Variants in NEBL observed in about 807,000 individuals in gnomAD.
The protein encoded by NEBL is nebulette, also known as LIM and SH3 protein 2.
Under a neutral mutation model 140.2 loss-of-function variants are expected in NEBL, and 122 were observed. The observed-to-expected ratio is 0.87, with a 90% CI of 0.75 to 1.01. The LOEUF is 1.01. Ranked by LOEUF, NEBL falls within the 50% of genes least tolerant of loss-of-function variation. The probability of loss-of-function intolerance (pLI) is 0.00; values close to 1 mark genes in which losing one functional copy is unlikely to be tolerated. For synonymous variants in NEBL, 436 were observed against 398.9 expected (o/e 1.09, Z -1.11); for missense variants, 1,365 against 1,231.3 (o/e 1.11, Z -1.62).
intron 2 of NEBL, among the ~76,000 whole-genome samples, chr10:21,111,147 T>A (rs1837992474): frequency 6.6e-6 from 1 of 152,110 alleles, no homozygotes; most frequent in African/African-American, 2.4e-5. Flanking sequence ...AGAATCAATA[T>A]CATGAAAATG....
chr10:20,834,692 G>A (rs1425444907), intron 14 of NEBL, among the ~76,000 whole-genome samples: 1 of 152,132 alleles, frequency 6.6e-6, no homozygotes, highest in Non-Finnish European at 1.5e-5. Flanking sequence ...TAAGTGAACA[G>A]GACCCCTTCA....
In NEBL at chr10:20,788,888, G is replaced by A. The variant is rs375814138; in HGVS notation, c.2762-1580C>T. ...GGCTTTTCTATATTAGACTCTGGAA[G>A]CCTTGTCCATTGATTCATTCACTGT... On this transcript the variant is annotated intron_variant, in intron 26 of 27. Coordinates refer to ENST00000377122, the MANE Select transcript of NEBL (RefSeq NM_006393.3). Among the ~76,000 whole-genome samples, 61 of 152,274 alleles carry A rather than the reference G, an allele frequency of 4.0e-4. No homozygotes were observed. The East Asian group carries it at 9.1e-3, about 23-fold the overall frequency.
intron 2 of NEBL, among the ~76,000 whole-genome samples, chr10:21,032,916 C>T (rs992727794): frequency 2.6e-5 from 4 of 152,156 alleles, no homozygotes; most frequent in Non-Finnish European, 5.9e-5. Context: ...AGGGATTATA[C>T]GGTAAACCTG....
intron 3 of NEBL, among the ~76,000 whole-genome samples, chr10:21,182,070 A>G (rs1026398935): frequency 6.6e-6 from 1 of 152,190 alleles, no homozygotes; most frequent in African/African-American, 2.4e-5. Context: ...CAAGAACAAA[A>G]ATGGCGGAGG....
At chr10:21,021,490 C>T (rs1425785345) in intron 2 of NEBL, among the ~76,000 whole-genome samples, 1 of 152,196 alleles carries the variant, frequency 6.6e-6, no homozygotes, top group African/African-American at 2.4e-5. Flanking sequence ...ACTTCAGTCC[C>T]CTGAGTTCCC....
At chr10:21,125,971 G>A (rs1344151805) in intron 2 of NEBL, 2 of 1,614,204 alleles carry the variant, frequency 1.2e-6, no homozygotes, top group Admixed American at 1.7e-5. Flanking sequence ...ATCTGGTTCA[G>A]GAGCTGCCTG....
At position 20,785,686 on chromosome 10, in the gene NEBL, CT is replaced by C. The variant is rs768762806; in HGVS notation, c.*60del. 6.9e-4 allele frequency: 1,080 copies of C among 1,556,666 alleles called. No individual in the cohort carries two copies. Among genetic ancestry groups the C allele is most frequent in the Non-Finnish European group, 9.1e-4 (1,038 of 1,142,004 alleles). ...AAGTTGTCTTAAAAGTATCTTCTAT[CT>C]TTTAAAAAGATTAGGTTTGGGATAC... On this transcript the variant is annotated 3_prime_UTR_variant, in exon 28 of 28. Coordinates refer to ENST00000377122, the MANE Select transcript of NEBL (RefSeq NM_006393.3).
intron 1 of NEBL, among the ~76,000 whole-genome samples, chr10:21,292,707 A>G (rs1843161467): frequency 6.6e-6 from 1 of 152,226 alleles, no homozygotes; most frequent in African/African-American, 2.4e-5. Context: ...AAAGCATAAG[A>G]AAAACGATGA....
chr10:20,944,765 A>T (rs1835074547), intron 4 of NEBL, among the ~76,000 whole-genome samples: 1 of 152,206 alleles, frequency 6.6e-6, no homozygotes, highest in Non-Finnish European at 1.5e-5. Flanking sequence ...AAAAGTGCCT[A>T]AGTTAGTTGT....
At chr10:21,028,256 A>AG (rs1491551075) in intron 2 of NEBL, among the ~76,000 whole-genome samples, 1 of 131,834 alleles carries the variant, frequency 7.6e-6, no homozygotes, top group East Asian at 2.3e-4. Flanking sequence ...AAAAAAAAAA[A>AG]GAAGAAGAAG....
rs1175880218 is a variant in NEBL, at chr10:21,155,410, C to A, written c.164+16973G>T. ...CTATTTTTTTGGTACCCATTAACAT[C>A]CCCACCTCCTCACCACCCTCCCACT... On this transcript the variant is annotated intron_variant, in intron 2 of 6. Coordinates refer to the NEBL transcript ENST00000417816. 2.0e-5 allele frequency among the ~76,000 whole-genome samples: 3 copies of A among 152,078 alleles called. No homozygotes were observed. In the East Asian group the frequency reaches 5.8e-4, roughly 29 times the overall value.
intron 8 of NEBL, 90 bp downstream of exon 8, chr10:20,859,623 G>T (rs1843451176): frequency 9.0e-6 from 7 of 781,248 alleles, no homozygotes; most frequent in Non-Finnish European, 1.5e-5. Context: ...TTACTTGGAA[G>T]CTAAGTATCA....
At chr10:20,916,652 C>T (rs1397979253) in intron 4 of NEBL, among the ~76,000 whole-genome samples, 2 of 152,160 alleles carry the variant, frequency 1.3e-5, no homozygotes, top group African/African-American at 2.4e-5. Flanking sequence ...TCAAATGATC[C>T]ACCCACCTCA....
chr10:21,096,976 C>G (rs1837218463), intron 2 of NEBL, among the ~76,000 whole-genome samples: 1 of 151,826 alleles, frequency 6.6e-6, no homozygotes, highest in Admixed American at 6.6e-5. Flanking sequence ...CAAAAATCTC[C>G]AAGGCATCCT....
chr10:21,088,705 C>T (rs1836766354), intron 2 of NEBL, among the ~76,000 whole-genome samples: 1 of 152,216 alleles, frequency 6.6e-6, no homozygotes, highest in Admixed American at 6.5e-5. Context: ...AGAATAGTGA[C>T]AGCCATCCTT....
At chr10:21,233,804 A>G (rs1212729176) in intron 3 of NEBL, among the ~76,000 whole-genome samples, 1 of 142,510 alleles carries the variant, frequency 7.0e-6, no homozygotes, top group African/African-American at 2.7e-5. Context: ...TATTACATAT[A>G]TAGATATATA....
intron 3 of NEBL, among the ~76,000 whole-genome samples, chr10:21,229,436 A>G (rs1469581137): frequency 6.6e-6 from 1 of 152,118 alleles, no homozygotes. Flanking sequence ...AAAGTGGGGG[A>G]GGGAAATAAT....
chr10:20,794,843 C>T (rs1055978257), intron 26 of NEBL, among the ~76,000 whole-genome samples: 3 of 152,152 alleles, frequency 2.0e-5, no homozygotes, highest in Non-Finnish European at 2.9e-5. Flanking sequence ...TTGGGATGTT[C>T]GGTTTTTTTC....
chr10:20,792,401 A>C (rs1330631014), intron 26 of NEBL, among the ~76,000 whole-genome samples: 3 of 152,206 alleles, frequency 2.0e-5, no homozygotes, highest in African/African-American at 7.2e-5. Flanking sequence ...TTTAGGACAA[A>C]GAACCCCTAT....
Sources: allele counts gnomAD v4.1 joint callset (sites outside exome capture counted in the v4.1 genomes callset), GRCh38; gene constraint gnomAD v4.1.1; transcripts MANE v1.5; gene names NCBI Gene and HGNC (gene_info 2026-07-23, HGNC 2026-07-21).